The following PHF2 variants were observed in gnomAD, a reference collection of about 807,000 sequenced individuals.
PHF2 encodes PHD finger protein 2.
In PHF2, 27 loss-of-function variants were observed where a neutral mutation model predicts 120.5. That is an observed-to-expected ratio of 0.22 (90% CI 0.17 to 0.31). PHF2 has a LOEUF of 0.31. Among genes scored for constraint, PHF2 ranks in the 10% least tolerant of loss-of-function variants. The probability of loss-of-function intolerance (pLI) is 1.00; values close to 1 mark genes in which losing one functional copy is unlikely to be tolerated. For missense variants in PHF2, 1,024 were observed against 1,434.8 expected (o/e 0.71, Z 4.63); for synonymous variants, 568 against 592.5 (o/e 0.96, Z 0.60).
At chr9:93,601,024 T>TA (rs775765374) in intron 1 of PHF2, among the ~76,000 whole-genome samples, 4 of 152,248 alleles carry the variant, frequency 2.6e-5, no homozygotes, top group Non-Finnish European at 5.9e-5. Context: ...AATAACTGAA[T>TA]AGCCTTCCGT....
chr9:93,626,649 A>G lies in PHF2; in HGVS notation c.99-3321A>G, dbSNP rs555704679. The stretch of plus-strand genomic sequence containing the variant: ...CTTTTGGTGTCATATCTAGGAATCT[A>G]TTGTCAAATTCAGTGTCATGAAGAT... On this transcript the variant is annotated intron_variant, in intron 1 of 21. Coordinates refer to ENST00000359246, the MANE Select transcript of PHF2 (RefSeq NM_005392.4). Among the ~76,000 whole-genome samples the G allele has an allele frequency of 4.6e-5, 7 of 152,272 alleles. No individual in the cohort carries two copies. In the South Asian group the frequency reaches 6.2e-4, roughly 14 times the overall value.
intron 1 of PHF2, among the ~76,000 whole-genome samples, chr9:93,623,792 A>G (rs1428858101): frequency 6.6e-6 from 1 of 152,134 alleles, no homozygotes; most frequent in African/African-American, 2.4e-5. Context: ...TGAACTTTAT[A>G]TTTTCAAAAA....
At chr9:93,671,666 G>A (rs1826795931) in intron 17 of PHF2, among the ~76,000 whole-genome samples, 1 of 141,578 alleles carries the variant, frequency 7.1e-6, no homozygotes, top group Non-Finnish European at 1.6e-5. Flanking sequence ...GGGTGTGGAT[G>A]TAGGTACAGG....
chr9:93,653,387 A>T, intron 6 of PHF2, 22 bp downstream of exon 6: 1 of 1,610,282 alleles, frequency 6.2e-7, no homozygotes, highest in Non-Finnish European at 8.5e-7. Context: ...CCCTCGGGGC[A>T]CCTCTGCCTT....
Position 93,618,566 on chromosome 9 carries a change from CACCAAAAGG to C in PHF2, c.99-11402_99-11394del, listed in dbSNP as rs148273450. 2.4e-4 allele frequency among the ~76,000 whole-genome samples: 36 copies of C among 152,334 alleles called. 2 individuals carry two copies. The East Asian group carries it at 5.0e-3, about 21-fold the overall frequency. On this transcript the variant is annotated intron_variant, in intron 1 of 21. Transcript: ENST00000359246. Reference sequence around the variant, plus strand: ...CACACATATTTTGTTTTGGGTTTTCCACCAAAAGGAATTGTACCATACGCATTCTTCTAA... The same window carrying C: ...CACACATATTTTGTTTTGGGTTTTCCAATTGTACCATACGCATTCTTCTAA...
intron 2 of PHF2, among the ~76,000 whole-genome samples, chr9:93,632,180 A>T (rs563552523): frequency 6.6e-6 from 1 of 152,084 alleles, no homozygotes; most frequent in African/African-American, 2.4e-5. Context: ...TGGTGTCCCA[A>T]CCTGCCCTTG....
At chr9:93,671,327 C>T (rs1826785972) in intron 17 of PHF2, 1 of 434,214 alleles carries the variant, frequency 2.3e-6, no homozygotes, top group Non-Finnish European at 3.0e-6. Context: ...GGTGTAGATG[C>T]AGATGTGGGT....
At chr9:93,579,867 G>A (rs1385420253) in intron 1 of PHF2, among the ~76,000 whole-genome samples, 2 of 152,340 alleles carry the variant, frequency 1.3e-5, no homozygotes, top group East Asian at 1.9e-4. Context: ...TGGCCATTTG[G>A]GGCCAGAACT....
rs77626301 is a variant in PHF2 at position 93,601,033 on chromosome 9, G to A, written c.98+24162G>A. Among the ~76,000 whole-genome samples, 78 of 152,332 alleles carry A rather than the reference G, an allele frequency of 5.1e-4. No individual in the cohort carries two copies. In the East Asian group the frequency reaches 0.013, roughly 24 times the overall value. On this transcript the variant is annotated intron_variant, in intron 1 of 21. Transcript: ENST00000359246. Reference sequence around the variant, plus strand: ...TCTTGCAATAACTGAATAGCCTTCCGTTGTGCTATGGTGGTGTAAGGGTTT... The same window carrying A: ...TCTTGCAATAACTGAATAGCCTTCCATTGTGCTATGGTGGTGTAAGGGTTT...
intron 17 of PHF2, among the ~76,000 whole-genome samples, chr9:93,668,253 G>A (rs1337078628): frequency 6.6e-6 from 1 of 152,164 alleles, no homozygotes; most frequent in Non-Finnish European, 1.5e-5. Context: ...TTTCCTGCTT[G>A]GCACTAGGTG....
chr9:93,672,264 G>A (rs878974833), intron 17 of PHF2, among the ~76,000 whole-genome samples: 1 of 137,560 alleles, frequency 7.3e-6, no homozygotes, highest in Non-Finnish European at 1.6e-5. Context: ...GTAGATGCAG[G>A]TGTGGGTGTG....
chr9:93,628,956 G>A lies in PHF2; in HGVS notation c.99-1014G>A, dbSNP rs554299488. ...CTGTTGCCCAGGCTGGAGTGCAGTGGTGCAATCTCGGCTCACTGCAACCTC... is the reference window on the plus strand; with the variant it reads ...CTGTTGCCCAGGCTGGAGTGCAGTGATGCAATCTCGGCTCACTGCAACCTC... On this transcript the variant is annotated intron_variant, in intron 1 of 21. Coordinates refer to ENST00000359246, the MANE Select transcript of PHF2 (RefSeq NM_005392.4). Among the ~76,000 whole-genome samples, 63 of 152,216 alleles carry A rather than the reference G, an allele frequency of 4.1e-4. No homozygotes were observed. In the South Asian group the frequency reaches 0.013, roughly 32 times the overall value.
intron 1 of PHF2, among the ~76,000 whole-genome samples, chr9:93,618,473 C>CA (rs763463769): frequency 2.4e-4 from 36 of 152,366 alleles, no homozygotes; most frequent in Non-Finnish European, 4.3e-4. Flanking sequence ...ACACAGTGCA[C>CA]ACATATACAC....
chr9:93,656,431 C>A lies in PHF2; in HGVS notation c.1041-58C>A. ...GGTGTGTCTGGGGCCTGGATTGATGCCCAGCGTCGCCTGCTTGATGGTCAG... is the reference window on the plus strand; with the variant it reads ...GGTGTGTCTGGGGCCTGGATTGATGACCAGCGTCGCCTGCTTGATGGTCAG... On this transcript the variant is annotated intron_variant, in intron 8 of 21. Transcript: ENST00000359246. This position sits in a 1 kb window ranked among gnomAD's most constrained non-coding sequence, Gnocchi z 4.1. 5 of 1,209,956 alleles carry A rather than the reference C, an allele frequency of 4.1e-6. No individual in the cohort carries two copies. Among genetic ancestry groups the A allele is most frequent in the Non-Finnish European group, 4.9e-6 (4 of 818,042 alleles). The allele number at this position is 1,209,956 out of a possible 1,614,324, so 75.0% of individuals were successfully genotyped here. A position where few individuals can be genotyped will look rare whatever the true frequency, so the allele number is the denominator to read the frequency against.
chr9:93,624,684 A>ATGG (rs59624778), intron 1 of PHF2, among the ~76,000 whole-genome samples: 82,524 of 147,904 alleles, frequency 0.56, 23,245 homozygotes, highest in South Asian at 0.77. Flanking sequence ...GATGATGATG[A>ATGG]TGGTGGTGGC....
intron 1 of PHF2, among the ~76,000 whole-genome samples, chr9:93,579,251 G>A (rs376765458): frequency 4.6e-5 from 7 of 152,088 alleles, no homozygotes; most frequent in East Asian, 1.9e-4. Context: ...TCTTCGTACC[G>A]CCTGTACTGT....
rs1380277567 is a variant in PHF2, at chr9:93,656,631, G to C, written c.1147+36G>C. 6.8e-7 allele frequency: 1 copy of C among 1,466,158 alleles called. No homozygotes were observed. The highest frequency in any genetic ancestry group is 1.4e-5 in the African/African-American group (1 of 72,046). The allele number at this position is 1,466,158 out of a possible 1,614,324, so 90.8% of individuals were successfully genotyped here. A position where few individuals can be genotyped will look rare whatever the true frequency, so the allele number is the denominator to read the frequency against. On this transcript the variant is annotated intron_variant, in intron 9 of 21. Transcript: ENST00000359246. This position sits in a 1 kb window ranked among gnomAD's most constrained non-coding sequence, Gnocchi z 4.1. ...CTCCGGGGTGGGCGTCCAAGCCTGG[G>C]GCTCTTGGCTGTGGGGGCAGCCAGA... is the stretch of plus-strand genomic sequence containing the variant.
chr9:93,609,942 G>A (rs1290355922), intron 1 of PHF2, among the ~76,000 whole-genome samples: 1 of 152,160 alleles, frequency 6.6e-6, no homozygotes, highest in Non-Finnish European at 1.5e-5. Context: ...TGATCTGCCT[G>A]CCTTGGCCTC....
chr9:93,655,859 T>A, intron 7 of PHF2, 75 bp from the exon 8 acceptor site: 1 of 1,110,568 alleles, frequency 9.0e-7, no homozygotes, highest in Non-Finnish European at 1.3e-6. Context: ...TCTCCGCCGC[T>A]CCCTGATCTA....
Sources: allele counts gnomAD v4.1 joint callset (sites outside exome capture counted in the v4.1 genomes callset), GRCh38; gene constraint gnomAD v4.1.1; non-coding constraint Gnocchi (gnomAD v3.1); transcripts MANE v1.5; gene names NCBI Gene and HGNC (gene_info 2026-07-23, HGNC 2026-07-21).